Variants in PCGF3 observed in about 807,000 individuals in gnomAD.
PCGF3 encodes the protein polycomb group RING finger protein 3.
Under a neutral mutation model 33.1 loss-of-function variants are expected in PCGF3, and 7 were observed. The observed-to-expected ratio is 0.21, with a 90% CI of 0.12 to 0.40. The LOEUF is 0.40. Among genes scored for constraint, PCGF3 ranks in the 10% least tolerant of loss-of-function variants. The pLI is 1.00. For synonymous variants in PCGF3, 153 were observed against 121.3 expected (o/e 1.26, Z -1.72); for missense variants, 211 against 313.3 (o/e 0.67, Z 2.46).
At chr4:731,033 A>C (rs1743531558) in exon 3 of PCGF3, 1 of 398,472 alleles carries the variant, frequency 2.5e-6, no homozygotes, top group African/African-American at 2.1e-5. Context: ...CGGAGCCAGG[A>C]GGCAGCGTCG....
At position 765,129 on chromosome 4, in the gene PCGF3, T is replaced by C. The variant is rs1004164734; in HGVS notation, c.681+65T>C. ...GGCAGTGACTTTGCTGTGCATCTCT[T>C]ATCTAAAATGTTAAATGACTCCAGC... On this transcript the variant is annotated intron_variant, in intron 10 of 10. Transcript: ENST00000362003. The C allele has an allele frequency of 1.8e-5, 20 of 1,138,550 alleles. No individual in the cohort carries two copies. In the African/African-American group the frequency reaches 2.7e-4, roughly 16 times the overall value. The allele number at this position is 1,138,550 out of a possible 1,614,324, so 70.5% of individuals were successfully genotyped here.
chr4:744,491 A>T, intron 7 of PCGF3, 109 bp from the exon 8 acceptor site: 3 of 799,298 alleles, frequency 3.8e-6, no homozygotes, highest in Non-Finnish European at 6.2e-6. Context: ...GGGGGTCCAG[A>T]GTCTCTTAAT....
chr4:726,842 T>C (rs1315368716), intron 1 of PCGF3, among the ~76,000 whole-genome samples: 1 of 152,098 alleles, frequency 6.6e-6, no homozygotes, highest in Non-Finnish European at 1.5e-5. Context: ...TTTCACCCCC[T>C]GTCCAGTTTC....
intron 8 of PCGF3, among the ~76,000 whole-genome samples, chr4:753,308 C>T (rs748916139): frequency 8.5e-5 from 13 of 152,202 alleles, no homozygotes; most frequent in Admixed American, 3.9e-4. Flanking sequence ...CTCAGCCTCC[C>T]GAGTAGGGAC....
intron 6 of PCGF3, 66 bp from the exon 7 acceptor site, chr4:743,408 T>C: frequency 1.1e-6 from 1 of 922,326 alleles, no homozygotes; most frequent in Non-Finnish European, 1.8e-6. Flanking sequence ...ATGTGATGTT[T>C]ATGAACAGAA....
At position 744,617 on chromosome 4, in the gene PCGF3, G is replaced by C. The variant is rs1456214840; in HGVS notation, c.391G>C (p.Asp131His). The change falls in exon 8 of 11, where the codon GAC becomes CAC. Residue 131 changes from aspartate (D) to histidine (H), a missense_variant. Around this residue, in one of 3 missense-constraint regions of PCGF3, gnomAD observed 95 missense variants for 83.0 expected, o/e 1.14. Transcript: ENST00000362003. ...GCTAAAAGGTGAAACCAAAGCAGAC[G>C]ACAGTTCAAACAAAGAGGCCGCGGA... is the stretch of plus-strand genomic sequence containing the variant. 6.2e-5 allele frequency: 96 copies of C among 1,558,788 alleles called. No homozygotes were observed. The highest frequency in any genetic ancestry group is 7.9e-5 in the Non-Finnish European group (91 of 1,150,934).
intron 8 of PCGF3, among the ~76,000 whole-genome samples, chr4:755,589 GT>G (rs1225613135): frequency 6.6e-6 from 1 of 152,124 alleles, no homozygotes; most frequent in African/African-American, 2.4e-5. Context: ...TCTTAAAAAT[GT>G]TTCCCCATTC....
intron 9 of PCGF3, 177 bp from the exon 10 acceptor site, chr4:764,807 T>C: frequency 1.7e-6 from 1 of 585,234 alleles, no homozygotes; most frequent in Non-Finnish European, 3.1e-6. Flanking sequence ...CCACACTCCA[T>C]CTCTAGGCTG....
intron 9 of PCGF3, chr4:764,619 G>A: frequency 5.1e-6 from 1 of 197,954 alleles, no homozygotes; most frequent in Non-Finnish European, 1.0e-5. Flanking sequence ...CCTGTCAAGA[G>A]AAAAAGGGTT....
At chr4:734,864 A>C in intron 4 of PCGF3, 67 bp from the exon 5 acceptor site, 1 of 1,564,172 alleles carries the variant, frequency 6.4e-7, no homozygotes, top group Non-Finnish European at 8.7e-7. Flanking sequence ...TGTTCAGTGG[A>C]GCACGCCGAT....
intron 1 of PCGF3, among the ~76,000 whole-genome samples, chr4:725,453 T>C (rs1439411131): frequency 6.6e-6 from 1 of 152,216 alleles, no homozygotes; most frequent in East Asian, 1.9e-4. Context: ...TGGGACCATC[T>C]GACCCAGTGC....
chr4:732,737 G>A (rs577447653), intron 3 of PCGF3, among the ~76,000 whole-genome samples: 9 of 152,282 alleles, frequency 5.9e-5, no homozygotes, highest in East Asian at 5.8e-4. Context: ...GCGGCTTTCC[G>A]TCCCCACTGA....
intron 10 of PCGF3, among the ~76,000 whole-genome samples, 163 bp from the exon 11 acceptor site, chr4:765,869 T>A (rs1745340910): frequency 6.6e-6 from 1 of 152,122 alleles, no homozygotes; most frequent in Non-Finnish European, 1.5e-5. Flanking sequence ...CCCAGCAACT[T>A]CTGGGGGACC....
At chr4:758,194 T>TAAAAA (rs1744859962) in intron 8 of PCGF3, among the ~76,000 whole-genome samples, 2 of 109,674 alleles carry the variant, frequency 1.8e-5, no homozygotes, top group African/African-American at 8.1e-5. Context: ...AAAAAAAAAG[T>TAAAAA]CCAAAGTCAC....
rs867784931 is a variant in PCGF3, at chr4:750,737, C to G, written c.462+6049C>G. On this transcript the variant is annotated intron_variant, in intron 8 of 10. Coordinates refer to ENST00000362003, the Ensembl canonical transcript of PCGF3. ...TTGTGGATTCTTGTTTTCTCCGTGTCTCTGTAACCTCGCGGTGTTGCTTAG... is the reference window on the plus strand; with the variant it reads ...TTGTGGATTCTTGTTTTCTCCGTGTGTCTGTAACCTCGCGGTGTTGCTTAG... 1.6e-4 allele frequency among the ~76,000 whole-genome samples: 24 copies of G among 151,274 alleles called. No individual in the cohort carries two copies. In the South Asian group the frequency reaches 5.0e-3, roughly 32 times the overall value.
intron 1 of PCGF3, among the ~76,000 whole-genome samples, chr4:709,123 A>G (rs1742455754): frequency 6.6e-6 from 1 of 152,170 alleles, no homozygotes; most frequent in South Asian, 2.1e-4. Context: ...GTGTTTCCAG[A>G]GGGTGGTCAT....
At chr4:761,894 G>A (rs1560219451) in intron 9 of PCGF3, 8 of 985,306 alleles carry the variant, frequency 8.1e-6, no homozygotes, top group Non-Finnish European at 8.4e-6. Flanking sequence ...GGATGCAGGC[G>A]CCAGCAGGGT....
chr4:762,340 G>T (rs1007374657), intron 9 of PCGF3: 5 of 163,992 alleles, frequency 3.0e-5, no homozygotes, highest in African/African-American at 9.6e-5. Context: ...CTGGAGGGAG[G>T]CAGCCTCGAG....
chr4:716,232 C>G lies in PCGF3; in HGVS notation c.-190+10262C>G, dbSNP rs1182490973. ...AACTGGGCGTGGGTGCTGGGACCCT[C>G]TAGACACTGTGAGTGTGAGAACTGG... On this transcript the variant is annotated intron_variant, in intron 1 of 10. Coordinates refer to ENST00000362003, the Ensembl canonical transcript of PCGF3. 3.7e-4 allele frequency among the ~76,000 whole-genome samples: 38 copies of G among 101,878 alleles called. 1 individual carries two copies. Among genetic ancestry groups the G allele is most frequent in the East Asian group, 6.8e-4 (2 of 2,938 alleles). The allele number at this position is 101,878 out of a possible 152,430, so 66.8% of individuals were successfully genotyped here. A position where few individuals can be genotyped will look rare whatever the true frequency, so the allele number is the denominator to read the frequency against.
Sources: gnomAD v4.1 joint callset for allele counts (sites outside exome capture counted in the v4.1 genomes callset) on GRCh38, gnomAD v4.1.1 for gene constraint, gnomAD v4.1.1 regional missense constraint, MANE v1.5 for transcripts, NCBI Gene and HGNC (gene_info 2026-07-23, HGNC 2026-07-21) for gene names.